The following TYW1 variants were observed in gnomAD, a reference collection of about 807,000 sequenced individuals.
TYW1 encodes the protein tRNA-yW synthesizing protein 1 homolog.
A neutral mutation model predicts 96.2 loss-of-function variants in TYW1; 46 were observed. The ratio of observed to expected loss-of-function variants is 0.48; its 90% CI spans 0.38 to 0.61. TYW1 has a LOEUF of 0.61. Among genes scored for constraint, TYW1 ranks in the 20% least tolerant of loss-of-function variants. The pLI, the probability that TYW1 is intolerant of heterozygous loss-of-function variation, is 0.00. For synonymous variants in TYW1, 274 were observed against 323.0 expected, an observed-to-expected ratio of 0.85 and a Z score of 1.63; for missense variants, 684 against 909.6, an observed-to-expected ratio of 0.75 and a Z score of 3.19.
chr7:67,060,588 C>T (rs1795666102), intron 9 of TYW1, among the ~76,000 whole-genome samples: 1 of 152,192 alleles, frequency 6.6e-6, no homozygotes, highest in Non-Finnish European at 1.5e-5. Flanking sequence ...TATCCAGGTA[C>T]AGCTTGTAAT....
intron 13 of TYW1, among the ~76,000 whole-genome samples, chr7:67,142,779 A>G (rs1798489147): frequency 2.6e-5 from 4 of 152,102 alleles, no homozygotes; most frequent in African/African-American, 7.2e-5. Context: ...GGCCAGGTGC[A>G]GTGGCTTATG....
chr7:67,134,605 G>T (rs1482500296), intron 13 of TYW1, among the ~76,000 whole-genome samples: 2 of 151,640 alleles, frequency 1.3e-5, no homozygotes, highest in Non-Finnish European at 2.9e-5. Flanking sequence ...CCTTAGCAGG[G>T]TGCATGTCGG....
At chr7:67,227,190 G>T (rs1801587737) in intron 15 of TYW1, among the ~76,000 whole-genome samples, 1 of 152,140 alleles carries the variant, frequency 6.6e-6, no homozygotes, top group South Asian at 2.1e-4. Context: ...CAAGCCCTTG[G>T]AATGTCCTGC....
intron 7 of TYW1, among the ~76,000 whole-genome samples, chr7:67,033,972 C>T (rs1794751278): frequency 6.6e-6 from 1 of 152,062 alleles, no homozygotes; most frequent in East Asian, 1.9e-4. Context: ...GGATTACAGG[C>T]GTGAGCCACC....
At chr7:67,164,718 C>T (rs1421794367) in intron 13 of TYW1, among the ~76,000 whole-genome samples, 4 of 152,024 alleles carry the variant, frequency 2.6e-5, no homozygotes, top group Admixed American at 6.6e-5. Flanking sequence ...CTGAGAGTCA[C>T]ATCTAGATTG....
At chr7:67,042,768 T>C (rs2129257315) in intron 7 of TYW1, among the ~76,000 whole-genome samples, 1 of 152,098 alleles carries the variant, frequency 6.6e-6, no homozygotes, top group East Asian at 1.9e-4. Flanking sequence ...AGGCTGAGGC[T>C]GGTGGATCAC....
intron 5 of TYW1, among the ~76,000 whole-genome samples, chr7:67,016,096 C>G (rs1794014364): frequency 6.6e-6 from 1 of 151,600 alleles, no homozygotes. Flanking sequence ...AACTTGGCTC[C>G]TTTTGCATCC....
chr7:67,121,155 G>A (rs919151089), intron 13 of TYW1, among the ~76,000 whole-genome samples: 3 of 152,112 alleles, frequency 2.0e-5, no homozygotes, highest in Non-Finnish European at 2.9e-5. Context: ...CATAGTAGAT[G>A]CTATTAAGAA....
intron 11 of TYW1, among the ~76,000 whole-genome samples, chr7:67,094,247 A>G (rs1408917630): frequency 2.0e-5 from 3 of 152,086 alleles, no homozygotes; most frequent in Non-Finnish European, 2.9e-5. Flanking sequence ...TCAACCGTTG[A>G]TGGACACTTA....
intron 14 of TYW1, among the ~76,000 whole-genome samples, chr7:67,187,507 A>G (rs1800067120): frequency 6.6e-6 from 1 of 152,226 alleles, no homozygotes. Flanking sequence ...ATGCCTGGTC[A>G]CTGGAGGTCA....
At chr7:67,033,044 G>A (rs1794723105) in intron 7 of TYW1, among the ~76,000 whole-genome samples, 1 of 151,268 alleles carries the variant, frequency 6.6e-6, no homozygotes, top group East Asian at 2.0e-4. Flanking sequence ...TTACAGGTGC[G>A]TACCACCACG....
At chr7:67,191,242 C>G (rs1418543612) in intron 14 of TYW1, among the ~76,000 whole-genome samples, 1 of 152,216 alleles carries the variant, frequency 6.6e-6, no homozygotes, top group East Asian at 1.9e-4. Context: ...GATCACATTT[C>G]AGCATGAGGT....
At chr7:67,005,259 G>A (rs952425979) in intron 3 of TYW1, among the ~76,000 whole-genome samples, 1 of 152,178 alleles carries the variant, frequency 6.6e-6, no homozygotes. Context: ...GCCATCTTAC[G>A]TAATATCTCA....
rs1024028574 is a variant in TYW1 at position 67,207,830 on chromosome 7, C to T, written c.1977+12493C>T. ...CTGCCTCCCAGGTTCAAGTGATTCT[C>T]CTGCCTCAGCCTCCTAAGTAACTGG... On this transcript the variant is annotated intron_variant, in intron 15 of 15. Coordinates refer to ENST00000359626, the MANE Select transcript of TYW1 (RefSeq NM_018264.4). Among the ~76,000 whole-genome samples the T allele has an allele frequency of 4.2e-4, 63 of 150,450 alleles. 1 individual carries two copies. Among genetic ancestry groups the T allele is most frequent in the African/African-American group, 1.5e-3 (61 of 40,986 alleles).
intron 7 of TYW1, among the ~76,000 whole-genome samples, chr7:67,048,089 C>CGTGTTAAAATTTTAAATCTGTTTTAT (rs57594073): frequency 1.3e-5 from 1 of 78,364 alleles, no homozygotes; most frequent in Non-Finnish European, 2.4e-5. Context: ...TGCCCAGCCA[C>CGTGTTAAAATTTTAAATCTGTTTTAT]ATATGGGGGA....
At position 67,220,201 on chromosome 7, in the gene TYW1, ATT is replaced by A. The variant is rs57595328; in HGVS notation, c.1978-18088_1978-18087del. Among the ~76,000 whole-genome samples, 9 of 93,164 alleles carry A rather than the reference ATT, an allele frequency of 9.7e-5. 1 individual carries two copies. The highest frequency in any genetic ancestry group is 1.4e-4 in the Admixed American group (1 of 7,134). 61.1% of individuals were successfully genotyped at this position (93,164 alleles called of 152,430 possible). ...ATTTTTTAGTTTCATTCATTTATTG[ATT>A]TTTTTTTTTTTTTTTTTTGAGATGG... On this transcript the variant is annotated intron_variant, in intron 15 of 15. Coordinates refer to ENST00000359626, the MANE Select transcript of TYW1 (RefSeq NM_018264.4).
intron 12 of TYW1, among the ~76,000 whole-genome samples, chr7:67,110,721 T>G: frequency 6.6e-6 from 1 of 152,156 alleles, no homozygotes; most frequent in East Asian, 1.9e-4. Context: ...TTTAAAATAA[T>G]AGCCAGGCGT....
At position 66,998,097 on chromosome 7, in the gene TYW1, C is replaced by T. The variant is rs775447191; in HGVS notation, c.37C>T (p.Pro13Ser). 6.2e-7 allele frequency: 1 copy of T among 1,610,094 alleles called. No individual in the cohort carries two copies. The highest frequency in any genetic ancestry group is 8.5e-7 in the Non-Finnish European group (1 of 1,178,920). ...PSADTWDLFS[P>S]LISLWINRFY... ...TGCGGATACATGGGACCTCTTCTCA[C>T]CTTTAATATCATTATGGATAAACAG... is the stretch of plus-strand genomic sequence containing the variant. Residue 13 changes from proline (P) to serine (S), a missense_variant, in exon 2 of 16, where the codon CCT (proline) becomes TCT (serine). By Grantham distance (74) the Pro-to-Ser change is moderately conservative. Coordinates refer to ENST00000359626, the MANE Select transcript of TYW1 (RefSeq NM_018264.4).
intron 13 of TYW1, among the ~76,000 whole-genome samples, chr7:67,135,068 C>T (rs1269260849): frequency 1.3e-5 from 2 of 151,510 alleles, no homozygotes; most frequent in Non-Finnish European, 2.9e-5. Context: ...CTGCAGTGAG[C>T]TATGATTGTG....
Sources: gnomAD v4.1 joint callset for allele counts (sites outside exome capture counted in the v4.1 genomes callset) on GRCh38, gnomAD v4.1.1 for gene constraint, MANE v1.5 for transcripts, NCBI Gene and HGNC (gene_info 2026-07-23, HGNC 2026-07-21) for gene names.